Variants in TOP1 observed in about 807,000 individuals in gnomAD.
TOP1 encodes the protein DNA topoisomerase 1.
A neutral mutation model predicts 111.1 loss-of-function variants in TOP1; 10 were observed. The ratio of observed to expected loss-of-function variants is 0.09; its 90% confidence interval spans 0.06 to 0.15. The LOEUF is 0.15. Among genes scored for constraint, TOP1 ranks in the 10% least tolerant of loss-of-function variants. The probability of loss-of-function intolerance (pLI) is 1.00; values close to 1 mark genes in which losing one functional copy is unlikely to be tolerated. For synonymous variants in TOP1, 271 were observed against 302.9 expected (o/e 0.89, Z 1.10); for missense variants, 474 against 926.7 (o/e 0.51, Z 6.34).
In TOP1 at chr20:41,046,102, C is replaced by T. The variant is rs537580718; in HGVS notation, c.59-15292C>T. Among the ~76,000 whole-genome samples, 3 of 152,220 alleles carry T rather than the reference C, an allele frequency of 2.0e-5. No homozygotes were observed. The highest frequency in any genetic ancestry group is 7.2e-5 in the African/African-American group (3 of 41,542). On this transcript the variant is annotated intron_variant, in intron 2 of 20. Transcript: ENST00000361337. The surrounding 1 kb of genome is among the most constrained non-coding windows in gnomAD (Gnocchi z 4.3). ...TTAGCTTCAAGTTGTGATCAGTTTT[C>T]GTGGGATGCAAGGAGAAAATGAATA...
rs778916520 is a variant in TOP1, at chr20:41,029,490, C to G, written c.58+35C>G. ...CCCCCTGCGCCGACTCCGGGGCCCC[C>G]CAGCCGCCGGCCGCCTCCCCCGCGC... On this transcript the variant is annotated intron_variant, in intron 2 of 20. Coordinates refer to ENST00000361337, the MANE Select transcript of TOP1 (RefSeq NM_003286.4). The surrounding 1 kb of genome is among the most constrained non-coding windows in gnomAD (Gnocchi z 6.1). 6.5e-7 allele frequency: 1 copy of G among 1,546,908 alleles called. No individual in the cohort carries two copies. Among genetic ancestry groups the G allele is most frequent in the Non-Finnish European group, 8.7e-7 (1 of 1,146,072 alleles).
chr20:41,081,401 A>G (rs1263195513), intron 7 of TOP1, among the ~76,000 whole-genome samples, 161 bp downstream of exon 7: 1 of 152,184 alleles, frequency 6.6e-6, no homozygotes. Flanking sequence ...GGTAGTTTTA[A>G]GATCTCTGTG....
At position 41,032,084 on chromosome 20, in the gene TOP1, C is replaced by CTGATTT. The variant is rs2033127211; in HGVS notation, c.58+2629_58+2630insTGATTT. Among the ~76,000 whole-genome samples, 1 of 151,908 alleles carries CTGATTT rather than the reference C, an allele frequency of 6.6e-6. No individual in the cohort carries two copies. Among genetic ancestry groups the CTGATTT allele is most frequent in the Non-Finnish European group, 1.5e-5 (1 of 67,980 alleles). Reference sequence around the variant, plus strand: ...AGTAGAAATCAATGTTTAATTATGCCCAGACATGTCATTATTGAACTTTGT... The same window carrying CTGATTT: ...AGTAGAAATCAATGTTTAATTATGCCTGATTTCAGACATGTCATTATTGAACTTTGT... On this transcript the variant is annotated intron_variant, in intron 2 of 20. Transcript: ENST00000361337. The surrounding 1 kb of genome is among the most constrained non-coding windows in gnomAD (Gnocchi z 4.3).
At chr20:41,059,454 A>C (rs2033517269) in intron 2 of TOP1, among the ~76,000 whole-genome samples, 1 of 147,348 alleles carries the variant, frequency 6.8e-6, no homozygotes, top group African/African-American at 2.5e-5. Context: ...ATAAATAAAT[A>C]AATAAGGTGG....
chr20:41,104,591 A>G (rs566068882), intron 13 of TOP1, among the ~76,000 whole-genome samples: 149 of 152,334 alleles, frequency 9.8e-4, no homozygotes, highest in Middle Eastern at 3.4e-3. Flanking sequence ...GCTATACACA[A>G]TAGACATTTG....
chr20:41,045,453 A>C (rs1200888056), intron 2 of TOP1, among the ~76,000 whole-genome samples: 1 of 152,218 alleles, frequency 6.6e-6, no homozygotes. Context: ...AAGTTCAGGC[A>C]GTTGTACGTT....
rs374390796 is a variant in TOP1 at position 41,084,449 on chromosome 20, T to C, written c.508-13T>C. On this transcript the variant is annotated splice_polypyrimidine_tract_variant and intron_variant, in intron 7 of 20. Transcript: ENST00000361337. ...TCTTTATTTAAGTGCTTTCTCACCATGTTTCTTTGTAGGATGGTAAATTGA... is the reference window on the plus strand; with the variant it reads ...TCTTTATTTAAGTGCTTTCTCACCACGTTTCTTTGTAGGATGGTAAATTGA... 12 of 1,497,854 alleles carry C rather than the reference T, an allele frequency of 8.0e-6. No homozygotes were observed. Among genetic ancestry groups the C allele is most frequent in the African/African-American group, 1.4e-5 (1 of 70,830 alleles). The allele number at this position is 1,497,854 out of a possible 1,614,324, so 92.8% of individuals were successfully genotyped here. A position where few individuals can be genotyped will look rare whatever the true frequency, so the allele number is the denominator to read the frequency against.
Position 41,100,010 on chromosome 20 carries a change from A to G in TOP1, c.976-46A>G. 7.1e-7 allele frequency: 1 copy of G among 1,416,176 alleles called. No individual in the cohort carries two copies. The highest frequency in any genetic ancestry group is 2.3e-5 in the East Asian group (1 of 43,572). The allele number at this position is 1,416,176 out of a possible 1,614,324, so 87.7% of individuals were successfully genotyped here. On this transcript the variant is annotated intron_variant, in intron 11 of 20. Transcript: ENST00000361337. The surrounding 1 kb of genome is among the most constrained non-coding windows in gnomAD (Gnocchi z 4.4). Reference sequence around the variant, plus strand: ...CAAGAGATAAAATGCATTAGTAGAGAACAGCAATCTGAATCTATTTTGAGT... The same window carrying G: ...CAAGAGATAAAATGCATTAGTAGAGGACAGCAATCTGAATCTATTTTGAGT...
intron 2 of TOP1, among the ~76,000 whole-genome samples, chr20:41,037,759 T>G (rs1303179027): frequency 6.6e-6 from 1 of 152,226 alleles, no homozygotes; most frequent in Non-Finnish European, 1.5e-5. Context: ...TAAACAAAAG[T>G]CATTTAAGGA....
chr20:41,106,716 T>C lies in TOP1; in HGVS notation c.1308+5363T>C, dbSNP rs116850126. Among the ~76,000 whole-genome samples, 137 of 152,300 alleles carry C rather than the reference T, an allele frequency of 9.0e-4. 1 individual carries two copies. The highest frequency in any genetic ancestry group is 1.5e-3 in the Non-Finnish European group (101 of 68,016). On this transcript the variant is annotated intron_variant, in intron 13 of 20. Transcript: ENST00000361337. This position sits in a 1 kb window ranked among gnomAD's most constrained non-coding sequence, Gnocchi z 4.3. The stretch of plus-strand genomic sequence containing the variant: ...GTTATTCCTGAAGTGGTAATGCTTA[T>C]AATTTTGGGGTGTTGGTCTTGTATC...
Position 41,101,217 on chromosome 20 carries a change from A to G in TOP1, c.1172A>G (p.Lys391Arg), listed in dbSNP as rs554637067. 6 of 1,614,084 alleles carry G rather than the reference A, an allele frequency of 3.7e-6. No homozygotes were observed. In the South Asian group the frequency reaches 5.5e-5, roughly 15 times the overall value. Residue 391 changes from lysine (K) to arginine (R), a missense_variant, in exon 13 of 21, where the codon AAG becomes AGG. Around this residue, in one of 14 missense-constraint regions of TOP1, gnomAD observed 22 missense variants for 30.4 expected, o/e 0.72. Transcript: ENST00000361337. The surrounding 1 kb of genome is among the most constrained non-coding windows in gnomAD (Gnocchi z 4.1). Reference protein sequence around the residue: ...DIIINCSKDAKVPSPPPGHKW... With the variant: ...DIIINCSKDARVPSPPPGHKW... The stretch of plus-strand genomic sequence containing the variant: ...TGCTCTGTTATTTCCAGAGATGCCA[A>G]GGTTCCTTCTCCTCCTCCAGGACAT...
rs551915617 is a variant in TOP1 at position 41,049,544 on chromosome 20, G to A, written c.59-11850G>A. Among the ~76,000 whole-genome samples the A allele has an allele frequency of 8.5e-5, 13 of 152,282 alleles. No individual in the cohort carries two copies. The South Asian group carries it at 2.7e-3, about 32-fold the overall frequency. ...ACGGTAACATTAGAGGCTGATTCTG[G>A]AACTTCATGGAGGCAAGTCCAGTGA... On this transcript the variant is annotated intron_variant, in intron 2 of 20. Transcript: ENST00000361337.
rs890989594 is a variant in TOP1, at chr20:41,100,505, C to T, written c.1163+262C>T. On this transcript the variant is annotated intron_variant, in intron 12 of 20. Coordinates refer to ENST00000361337, the MANE Select transcript of TOP1 (RefSeq NM_003286.4). This position sits in a 1 kb window ranked among gnomAD's most constrained non-coding sequence, Gnocchi z 4.4. ...ACTTGGAACACATTTCTGTTGATGT[C>T]TTCCACCCCCAAATTTAATGTCTTT... Among the ~76,000 whole-genome samples, 2 of 152,200 alleles carry T rather than the reference C, an allele frequency of 1.3e-5. No homozygotes were observed. Among genetic ancestry groups the T allele is most frequent in the African/African-American group, 4.8e-5 (2 of 41,454 alleles).
intron 2 of TOP1, among the ~76,000 whole-genome samples, chr20:41,054,476 T>C (rs2033444658): frequency 6.6e-6 from 1 of 152,228 alleles, no homozygotes; most frequent in African/African-American, 2.4e-5. Flanking sequence ...GGTATGTCTT[T>C]ATTAGCAGCG....
rs1431736822 is a variant in TOP1 at position 41,105,297 on chromosome 20, CAT to C, written c.1308+3947_1308+3948del. Among the ~76,000 whole-genome samples the C allele has an allele frequency of 1.6e-4, 24 of 152,144 alleles. No homozygotes were observed. The South Asian group carries it at 4.8e-3, about 30-fold the overall frequency. On this transcript the variant is annotated intron_variant, in intron 13 of 20. Coordinates refer to ENST00000361337, the MANE Select transcript of TOP1 (RefSeq NM_003286.4). ...GTTGTAAACTATTGTAAGCTAAAGA[CAT>C]ATTGTACAACCTATTGTAAAATAAA...
At chr20:41,064,148 C>T (rs2033579286) in intron 3 of TOP1, among the ~76,000 whole-genome samples, 1 of 152,116 alleles carries the variant, frequency 6.6e-6, no homozygotes, top group Non-Finnish European at 1.5e-5. Context: ...GTTATCCTAG[C>T]ATCATTTATT....
intron 8 of TOP1, among the ~76,000 whole-genome samples, chr20:41,088,811 G>T (rs930352559): frequency 6.6e-6 from 1 of 151,918 alleles, no homozygotes; most frequent in African/African-American, 2.4e-5. Flanking sequence ...TTCCTTTGAG[G>T]TCTAAGATTC....
At chr20:41,050,273 C>T (rs1189408717) in intron 2 of TOP1, among the ~76,000 whole-genome samples, 2 of 152,234 alleles carry the variant, frequency 1.3e-5, no homozygotes, top group Non-Finnish European at 1.5e-5. Flanking sequence ...CTGCCTTGGC[C>T]TCCCAAAGTG....
chr20:41,085,225 A>G (rs1237286462), intron 8 of TOP1, among the ~76,000 whole-genome samples: 1 of 152,252 alleles, frequency 6.6e-6, no homozygotes, highest in African/African-American at 2.4e-5. Context: ...AAAATAGTTA[A>G]TAAGCATCTA....
Sources: gnomAD v4.1 joint callset for allele counts (sites outside exome capture counted in the v4.1 genomes callset) on GRCh38, gnomAD v4.1.1 for gene constraint, gnomAD v4.1.1 regional missense constraint, Gnocchi (gnomAD v3.1) non-coding constraint, MANE v1.5 for transcripts, NCBI Gene and HGNC (gene_info 2026-07-23, HGNC 2026-07-21) for gene names.